Variants in AKAP12 observed in about 807,000 individuals in gnomAD.
AKAP12 encodes the protein A-kinase anchoring protein 12.
In AKAP12, 32 loss-of-function variants were observed where a neutral mutation model predicts 79.9. The ratio of observed to expected loss-of-function variants is 0.40; its 90% confidence interval spans 0.30 to 0.54. The LOEUF is 0.54. AKAP12 is among the 20% of genes least tolerant of loss of function. The pLI, the probability that AKAP12 is intolerant of heterozygous loss-of-function variation, is 0.48. For synonymous variants in AKAP12, 808 were observed against 857.0 expected (o/e 0.94, Z 1.00); for missense variants, 2,074 against 2,177.0 (o/e 0.95, Z 0.94).
At chr6:151,279,195 C>T (rs561681287) in intron 2 of AKAP12, among the ~76,000 whole-genome samples, 4 of 152,200 alleles carry the variant, frequency 2.6e-5, no homozygotes, top group Middle Eastern at 3.4e-3. Flanking sequence ...GGAAGACATT[C>T]TCTGTTGTTT....
chr6:151,325,549 A>G (rs1777500961), intron 3 of AKAP12: 4 of 1,233,202 alleles, frequency 3.2e-6, no homozygotes, highest in Admixed American at 7.9e-5. Context: ...CGGGCGGGGA[A>G]GTTTGCGCTC....
At chr6:151,323,135 C>T (rs775360592) in intron 3 of AKAP12, among the ~76,000 whole-genome samples, 68 of 152,320 alleles carry the variant, frequency 4.5e-4, no homozygotes, top group Admixed American at 1.1e-3. Context: ...GCAGCTGGGC[C>T]GTGCACCCTG....
intron 2 of AKAP12, among the ~76,000 whole-genome samples, chr6:151,268,577 A>G (rs1263694222): frequency 6.6e-6 from 1 of 152,252 alleles, no homozygotes; most frequent in Non-Finnish European, 1.5e-5. Flanking sequence ...CCCATATTAT[A>G]TGGAAACTTC....
At chr6:151,340,851 T>C (rs1777926434) in intron 3 of AKAP12, among the ~76,000 whole-genome samples, 1 of 152,208 alleles carries the variant, frequency 6.6e-6, no homozygotes, top group Admixed American at 6.5e-5. Flanking sequence ...ATTCATCTGA[T>C]TGTTTCCTCG....
chr6:151,328,842 G>T (rs1412898536), intron 3 of AKAP12, among the ~76,000 whole-genome samples: 1 of 151,994 alleles, frequency 6.6e-6, no homozygotes, highest in Admixed American at 6.6e-5. Flanking sequence ...GAACAAGTTT[G>T]CATTTCTGAA....
At chr6:151,268,953 T>TTG (rs1776116052) in intron 2 of AKAP12, among the ~76,000 whole-genome samples, 1 of 116,958 alleles carries the variant, frequency 8.6e-6, no homozygotes, top group Non-Finnish European at 1.7e-5. Context: ...CTGTTTTTTT[T>TTG]TTTTTTTTTT....
intron 2 of AKAP12, among the ~76,000 whole-genome samples, chr6:151,275,084 A>G (rs1776265873): frequency 6.6e-6 from 1 of 152,138 alleles, no homozygotes; most frequent in African/African-American, 2.4e-5. Context: ...AGCCTGGGTG[A>G]CAGAGCAAGA....
chr6:151,342,480 C>G (rs1777390034), intron 3 of AKAP12, among the ~76,000 whole-genome samples: 2 of 152,166 alleles, frequency 1.3e-5, no homozygotes, highest in South Asian at 4.1e-4. Flanking sequence ...TTTTAGGAGG[C>G]TTTGCTTAGC....
chr6:151,333,739 CAAAA>C (rs11292037), intron 3 of AKAP12, among the ~76,000 whole-genome samples: 1 of 125,122 alleles, frequency 8.0e-6, no homozygotes, highest in African/African-American at 2.8e-5. Context: ...ACTGTGACTT[CAAAA>C]AAAAAAAAAA....
intron 2 of AKAP12, among the ~76,000 whole-genome samples, chr6:151,300,564 C>T (rs976312351): frequency 2.6e-5 from 4 of 152,124 alleles, no homozygotes; most frequent in African/African-American, 9.7e-5. Context: ...AAAGGAGGTC[C>T]CTAGCACGTT....
intron 3 of AKAP12, among the ~76,000 whole-genome samples, chr6:151,342,872 C>A (rs1385848525): frequency 6.6e-6 from 1 of 152,196 alleles, no homozygotes; most frequent in African/African-American, 2.4e-5. Flanking sequence ...AAGTGATTCT[C>A]CTGCCTCAGC....
chr6:151,324,048 C>G (rs1425682627), intron 3 of AKAP12: 5 of 985,306 alleles, frequency 5.1e-6, no homozygotes, highest in Non-Finnish European at 6.0e-6. Context: ...GAGGAATGGC[C>G]AAGTTGCCCT....
chr6:151,332,945 C>CG (rs1554331339), intron 3 of AKAP12, among the ~76,000 whole-genome samples: 1 of 152,010 alleles, frequency 6.6e-6, no homozygotes, highest in Non-Finnish European at 1.5e-5. Context: ...TTAAAAATGG[C>CG]GGGGTCATTC....
At position 151,351,901 on chromosome 6, in the gene AKAP12, G is replaced by A; in HGVS notation, c.3510G>A (p.Glu1170=). Residue 1170 remains glutamate, a synonymous_variant, in exon 4 of 5, where the codon GAG becomes GAA. Coordinates refer to ENST00000402676, the MANE Select transcript of AKAP12 (RefSeq NM_005100.4). The surrounding 1 kb of genome is among the most constrained non-coding windows in gnomAD (Gnocchi z 4.4). Reference sequence around the variant, plus strand: ...CGGTGGAAACCCCTACAGACAGTGAGACTGATGGAAGCACCCCCGTAGCCG... The same window carrying A: ...CGGTGGAAACCCCTACAGACAGTGAAACTGATGGAAGCACCCCCGTAGCCG... ...PDSVETPTDS[E]TDGSTPVADF... The A allele has an allele frequency of 6.2e-7, 1 of 1,614,112 alleles. No individual in the cohort carries two copies. The highest frequency in any genetic ancestry group is 1.1e-5 in the South Asian group (1 of 91,074).
intron 3 of AKAP12, among the ~76,000 whole-genome samples, chr6:151,311,820 T>C (rs1399604129): frequency 2.0e-5 from 3 of 152,138 alleles, no homozygotes; most frequent in Non-Finnish European, 4.4e-5. Flanking sequence ...TCCCTAAAGA[T>C]CTTGTTACCT....
intron 3 of AKAP12, among the ~76,000 whole-genome samples, chr6:151,307,145 T>C (rs6941664): frequency 0.53 from 80,695 of 152,072 alleles, 23,697 homozygotes; most frequent in East Asian, 0.94. Flanking sequence ...ACAAGGAATG[T>C]CAGCAAAAGT....
At chr6:151,303,612 TCATTGGC>T (rs1364833795) in intron 2 of AKAP12, among the ~76,000 whole-genome samples, 1 of 152,198 alleles carries the variant, frequency 6.6e-6, no homozygotes, top group East Asian at 1.9e-4. Context: ...CCAGAGTCAT[TCATTGGC>T]CTGGAAGCAG....
At chr6:151,299,757 T>G (rs1409429319) in intron 2 of AKAP12, among the ~76,000 whole-genome samples, 2 of 17,228 alleles carry the variant, frequency 1.2e-4, no homozygotes, top group Non-Finnish European at 5.5e-4. Context: ...CATTTAAGGG[T>G]TTTTTTTTTT....
At chr6:151,274,311 T>A (rs910315652) in intron 2 of AKAP12, among the ~76,000 whole-genome samples, 1 of 152,086 alleles carries the variant, frequency 6.6e-6, no homozygotes, top group African/African-American at 2.4e-5. Flanking sequence ...ACTCCTGGGC[T>A]CAAGCAATCC....
Sources: gnomAD v4.1 joint callset for allele counts (sites outside exome capture counted in the v4.1 genomes callset) on GRCh38, gnomAD v4.1.1 for gene constraint, Gnocchi (gnomAD v3.1) non-coding constraint, MANE v1.5 for transcripts, NCBI Gene and HGNC (gene_info 2026-07-23, HGNC 2026-07-21) for gene names.